Variants in ARHGEF33 observed in about 807,000 individuals in gnomAD.
ARHGEF33 encodes the protein Rho guanine nucleotide exchange factor 33, also known as DH and coiled-coil domain-containing protein ENSP00000381780.
ARHGEF33 carries 72 observed loss-of-function variants against 101.9 expected under a neutral mutation model. That is an observed-to-expected ratio of 0.71 (90% confidence interval 0.58 to 0.86). ARHGEF33 has a LOEUF of 0.86. Among genes scored for constraint, ARHGEF33 ranks in the 40% least tolerant of loss-of-function variants. ARHGEF33 has a pLI of 0.00. For synonymous variants in ARHGEF33, 499 were observed against 442.5 expected, an observed-to-expected ratio of 1.13 and a Z score of -1.60; for missense variants, 1,169 against 1,111.3, an observed-to-expected ratio of 1.05 and a Z score of -0.74.
At position 38,960,064 on chromosome 2, in the gene ARHGEF33, C is replaced by A. The variant is rs754432158; in HGVS notation, c.1759C>A (p.Pro587Thr). 1.0e-5 allele frequency: 16 copies of A among 1,542,242 alleles called. No homozygotes were observed. In the South Asian group the frequency reaches 1.9e-4, roughly 18 times the overall value. ...EMDFESSPAEPLGNVERSLRA... is the reference protein window; with the variant it reads ...EMDFESSPAETLGNVERSLRA... ...GGACTTCGAGTCCTCTCCGGCGGAG[C>A]CGCTGGGCAACGTGGAGCGCTCCCT... The change falls in exon 16 of 18, where the codon CCG (proline) becomes ACG (threonine). Residue 587 changes from proline (P) to threonine (T), a missense_variant. By Grantham distance (38) the Pro-to-Thr change is conservative (BLOSUM62 -1). Coordinates refer to ENST00000409978, the MANE Select transcript of ARHGEF33 (RefSeq NM_001145451.5).
At position 38,924,785 on chromosome 2, in the gene ARHGEF33, G is replaced by T. The variant is rs1180350501; in HGVS notation, c.75+3362G>T. On this transcript the variant is annotated intron_variant, in intron 4 of 17. Coordinates refer to ENST00000409978, the MANE Select transcript of ARHGEF33 (RefSeq NM_001145451.5). ...AATTAGTTGAATATATTGCCTCTGT[G>T]ACATAGTAGCTTCCCCTTTGGGTCA... is the stretch of plus-strand genomic sequence containing the variant. Among the ~76,000 whole-genome samples, 6 of 152,068 alleles carry T rather than the reference G, an allele frequency of 3.9e-5. 1 individual carries two copies. Among genetic ancestry groups the T allele is most frequent in the Admixed American group, 3.3e-4 (5 of 15,270 alleles).
chr2:38,920,897 A>G (rs1666742320), intron 3 of ARHGEF33, among the ~76,000 whole-genome samples: 1 of 152,160 alleles, frequency 6.6e-6, no homozygotes, highest in Admixed American at 6.5e-5. Context: ...CAGTGACAGC[A>G]GGGCAGAGTT....
At position 38,957,768 on chromosome 2, in the gene ARHGEF33, A is replaced by C. The variant is rs1197775293; in HGVS notation, c.1371-266A>C. ...AGACCAGAAAAAGATGCTGTCTCCC[A>C]AGCCAGGGTTCCTGTTATGGAAGCT... is the stretch of plus-strand genomic sequence containing the variant. On this transcript the variant is annotated intron_variant, in intron 14 of 17. Transcript: ENST00000409978. 3 of 398,484 alleles carry C rather than the reference A, an allele frequency of 7.5e-6. No individual in the cohort carries two copies. The Admixed American group carries it at 1.1e-4, about 15-fold the overall frequency. The allele number at this position is 398,484 out of a possible 1,614,324, so 24.7% of individuals were successfully genotyped here. A position where few individuals can be genotyped will look rare whatever the true frequency, so the allele number is the denominator to read the frequency against.
chr2:38,928,823 C>T, intron 4 of ARHGEF33, 84 bp from the exon 5 acceptor site: 2 of 1,320,178 alleles, frequency 1.5e-6, no homozygotes, highest in Non-Finnish European at 2.0e-6. Flanking sequence ...GCTTGTTTCT[C>T]AAACAAAAGA....
chr2:38,971,354 C>T (rs967340177), intron 17 of ARHGEF33, among the ~76,000 whole-genome samples: 19 of 152,226 alleles, frequency 1.2e-4, no homozygotes, highest in African/African-American at 4.3e-4. Flanking sequence ...TATGTCCTGG[C>T]AGCCATGGTA....
chr2:38,955,821 C>T (rs766335880), intron 13 of ARHGEF33, among the ~76,000 whole-genome samples: 5 of 151,862 alleles, frequency 3.3e-5, no homozygotes, highest in African/African-American at 7.3e-5. Context: ...GGACTACAGG[C>T]GCCCACCACC....
chr2:38,951,923 G>T (rs1019862768), intron 11 of ARHGEF33, among the ~76,000 whole-genome samples: 51 of 152,250 alleles, frequency 3.3e-4, no homozygotes, highest in African/African-American at 1.1e-3. Context: ...ATGCCTATGG[G>T]GCCAGACAGT....
At chr2:38,907,207 G>A (rs1317224646) in intron 2 of ARHGEF33, among the ~76,000 whole-genome samples, 3 of 152,192 alleles carry the variant, frequency 2.0e-5, no homozygotes, top group Non-Finnish European at 2.9e-5. Flanking sequence ...CCCCTGTCAA[G>A]TATGCACGGG....
At chr2:38,957,637 C>T (rs943721382) in intron 14 of ARHGEF33, among the ~76,000 whole-genome samples, 5 of 152,150 alleles carry the variant, frequency 3.3e-5, no homozygotes, top group African/African-American at 4.8e-5. Flanking sequence ...ATCTGAGCTT[C>T]GGAGGGAACA....
intron 2 of ARHGEF33, among the ~76,000 whole-genome samples, chr2:38,913,643 G>A (rs1031256829): frequency 3.3e-5 from 5 of 151,984 alleles, no homozygotes; most frequent in African/African-American, 4.8e-5. Context: ...GGGCGTGGTG[G>A]CGCACGCCTG....
intron 1 of ARHGEF33, among the ~76,000 whole-genome samples, chr2:38,891,391 C>T (rs894265959): frequency 2.0e-5 from 3 of 151,736 alleles, no homozygotes; most frequent in Admixed American, 6.6e-5. Context: ...TCCTCCCTTC[C>T]TCTCTCCCTC....
At chr2:38,923,242 T>TC (rs1490769691) in intron 4 of ARHGEF33, among the ~76,000 whole-genome samples, 2 of 152,038 alleles carry the variant, frequency 1.3e-5, no homozygotes, top group Admixed American at 6.6e-5. Flanking sequence ...TATAACCCCA[T>TC]CCTTGTTTTA....
At chr2:38,909,803 T>C (rs1008221293) in intron 2 of ARHGEF33, among the ~76,000 whole-genome samples, 2 of 151,706 alleles carry the variant, frequency 1.3e-5, no homozygotes, top group African/African-American at 4.8e-5. Context: ...ATTGTGAGAA[T>C]TGTCTTATCT....
At chr2:38,935,740 A>G (rs1196729370) in intron 7 of ARHGEF33, 35 bp from the exon 8 acceptor site, 13 of 1,539,590 alleles carry the variant, frequency 8.4e-6, no homozygotes, top group Admixed American at 5.9e-5. Context: ...TGTTAGTGGA[A>G]TGAACGCTGA....
rs1009616754 is a variant in ARHGEF33, at chr2:38,929,073, T to C, written c.240+2T>C. The stretch of plus-strand genomic sequence containing the variant: ...AAGAATTCATTAAACTATTTCAAGG[T>C]AGGCCTCTCTTTAATTTCCCTGCTG... On this transcript the variant is annotated splice_donor_variant, in intron 5 of 17. Coordinates refer to ENST00000409978, the MANE Select transcript of ARHGEF33 (RefSeq NM_001145451.5). LOFTEE classifies it high-confidence loss of function. 6 of 1,544,412 alleles carry C rather than the reference T, an allele frequency of 3.9e-6. No homozygotes were observed. The highest frequency in any genetic ancestry group is 1.2e-5 in the South Asian group (1 of 82,812).
intron 7 of ARHGEF33, among the ~76,000 whole-genome samples, chr2:38,934,062 C>G (rs1667069780): frequency 6.6e-6 from 1 of 152,166 alleles, no homozygotes; most frequent in African/African-American, 2.4e-5. Flanking sequence ...AAATTGAAAA[C>G]TAATTTTTTT....
intron 17 of ARHGEF33, 113 bp from the exon 18 acceptor site, chr2:38,973,601 C>T (rs1668212968): frequency 1.2e-5 from 14 of 1,196,710 alleles, no homozygotes; most frequent in Non-Finnish European, 1.6e-5. Context: ...AAAAGTATTC[C>T]AGTTCTAGGA....
chr2:38,915,365 C>A (rs904119210), intron 2 of ARHGEF33, among the ~76,000 whole-genome samples: 2 of 147,344 alleles, frequency 1.4e-5, no homozygotes, highest in African/African-American at 5.0e-5. Flanking sequence ...TTTTCTCTAA[C>A]GTAGTTTTTT....
At chr2:38,906,092 A>G (rs1387176794) in intron 2 of ARHGEF33, among the ~76,000 whole-genome samples, 1 of 151,872 alleles carries the variant, frequency 6.6e-6, no homozygotes, top group African/African-American at 2.4e-5. Context: ...CACGTCTACA[A>G]AAAAATACCT....
Sources: allele counts gnomAD v4.1 joint callset (sites outside exome capture counted in the v4.1 genomes callset), GRCh38; gene constraint gnomAD v4.1.1; transcripts MANE v1.5; gene names NCBI Gene and HGNC (gene_info 2026-07-23, HGNC 2026-07-21).